Variants in LIPI observed in about 807,000 individuals in gnomAD.
The protein encoded by LIPI is lipase member I.
Under a neutral mutation model 50.6 loss-of-function variants are expected in LIPI, and 59 were observed. The observed-to-expected ratio is 1.16, with a 90% CI of 0.94 to 1.45. LIPI has a LOEUF of 1.45. LIPI is among the 40% of genes most tolerant of loss of function. The probability of loss-of-function intolerance (pLI) is 0.00; values close to 1 mark genes in which losing one functional copy is unlikely to be tolerated. For missense variants in LIPI, 586 were observed against 536.3 expected (o/e 1.09, Z -0.92); for synonymous variants, 203 against 178.2 (o/e 1.14, Z -1.11).
intron 9 of LIPI, among the ~76,000 whole-genome samples, chr21:14,133,077 A>G (rs960176565): frequency 2.0e-5 from 3 of 152,330 alleles, no homozygotes; most frequent in African/African-American, 7.2e-5. Flanking sequence ...TCTACCAAAC[A>G]CACAAGAAAC....
intron 9 of LIPI, among the ~76,000 whole-genome samples, chr21:14,127,903 T>A (rs975954982): frequency 6.6e-6 from 1 of 152,086 alleles, no homozygotes; most frequent in Non-Finnish European, 1.5e-5. Flanking sequence ...TATTAACTAT[T>A]TATGATAAAA....
At chr21:14,191,234 G>A (rs1241572338) in intron 1 of LIPI, among the ~76,000 whole-genome samples, 4 of 151,582 alleles carry the variant, frequency 2.6e-5, no homozygotes, top group African/African-American at 4.8e-5. Flanking sequence ...AAAAATAGCC[G>A]GGCGTAGTGG....
chr21:14,152,302 A>C (rs962195005), intron 8 of LIPI, among the ~76,000 whole-genome samples: 1 of 151,992 alleles, frequency 6.6e-6, no homozygotes, highest in African/African-American at 2.4e-5. Flanking sequence ...GGGTTTCACC[A>C]TGTTAGCCAG....
At chr21:14,203,673 G>A (rs1030411439) in intron 1 of LIPI, among the ~76,000 whole-genome samples, 15 of 151,998 alleles carry the variant, frequency 9.9e-5, no homozygotes, top group African/African-American at 3.4e-4. Flanking sequence ...ATCACACACT[G>A]GGGCCTGTTG....
intron 9 of LIPI, among the ~76,000 whole-genome samples, chr21:14,116,660 G>A (rs772188966): frequency 1.3e-5 from 2 of 152,166 alleles, no homozygotes; most frequent in East Asian, 3.9e-4. Flanking sequence ...TTGGCCAAGT[G>A]TTTTGGGTGG....
intron 7 of LIPI, among the ~76,000 whole-genome samples, chr21:14,161,762 A>T (rs2018492895): frequency 4.5e-5 from 3 of 66,686 alleles, no homozygotes; most frequent in Admixed American, 2.5e-4. Context: ...TAATATATAC[A>T]TTATTATATA....
intron 1 of LIPI, among the ~76,000 whole-genome samples, chr21:14,196,378 G>A (rs1034421402): frequency 1.1e-4 from 17 of 152,170 alleles, no homozygotes; most frequent in East Asian, 5.8e-4. Context: ...TTAATCTAGC[G>A]TCATAAAGAA....
intron 9 of LIPI, among the ~76,000 whole-genome samples, chr21:14,136,962 A>T (rs1433703384): frequency 2.0e-5 from 3 of 152,146 alleles, no homozygotes; most frequent in Non-Finnish European, 4.4e-5. Context: ...GATCTTGTCC[A>T]AGACCATCAA....
At chr21:14,190,176 T>A (rs369840289) in intron 1 of LIPI, among the ~76,000 whole-genome samples, 3 of 152,272 alleles carry the variant, frequency 2.0e-5, no homozygotes, top group East Asian at 3.9e-4. Flanking sequence ...TTGCTCTATA[T>A]ACTTATCTAT....
chr21:14,117,849 G>A (rs190213436), intron 9 of LIPI, among the ~76,000 whole-genome samples: 2 of 152,076 alleles, frequency 1.3e-5, no homozygotes, highest in Admixed American at 6.6e-5. Context: ...AAAAAGCAAA[G>A]TGGGAGGCCA....
chr21:14,206,362 G>T (rs1327881671), intron 1 of LIPI, among the ~76,000 whole-genome samples: 1 of 152,092 alleles, frequency 6.6e-6, no homozygotes, highest in Non-Finnish European at 1.5e-5. Context: ...AACATTCTTT[G>T]ATTTCAAATG....
chr21:14,160,602 CTT>C (rs768994683), intron 7 of LIPI, among the ~76,000 whole-genome samples: 1 of 151,310 alleles, frequency 6.6e-6, no homozygotes, highest in African/African-American at 2.4e-5. Context: ...AGTTCTTAGA[CTT>C]GACACCTAAA....
intron 9 of LIPI, among the ~76,000 whole-genome samples, chr21:14,140,584 A>G (rs2017670096): frequency 6.6e-6 from 1 of 151,588 alleles, no homozygotes; most frequent in Non-Finnish European, 1.5e-5. Flanking sequence ...ATTTGCCTAG[A>G]TTTTCCTCCA....
chr21:14,131,935 T>C (rs1369068363), intron 9 of LIPI, among the ~76,000 whole-genome samples: 1 of 152,108 alleles, frequency 6.6e-6, no homozygotes, highest in Non-Finnish European at 1.5e-5. Context: ...AAAGCTTCAA[T>C]AAGCTTCAAC....
intron 1 of LIPI, among the ~76,000 whole-genome samples, chr21:14,196,016 G>C (rs2019830668): frequency 6.6e-6 from 1 of 151,942 alleles, no homozygotes; most frequent in Admixed American, 6.6e-5. Flanking sequence ...TACAATTATT[G>C]TTAGTTTCTT....
At chr21:14,186,628 T>C (rs971412319) in intron 2 of LIPI, among the ~76,000 whole-genome samples, 1 of 152,222 alleles carries the variant, frequency 6.6e-6, no homozygotes. Context: ...TGAATGTTTG[T>C]GTCTCCCTAA....
chr21:14,137,947 C>T (rs144099270), intron 9 of LIPI, among the ~76,000 whole-genome samples: 2 of 152,122 alleles, frequency 1.3e-5, no homozygotes, highest in Non-Finnish European at 2.9e-5. Flanking sequence ...GAGAGAGTGG[C>T]ATGACATATT....
intron 9 of LIPI, among the ~76,000 whole-genome samples, chr21:14,123,240 A>G (rs2016930981): frequency 6.6e-6 from 1 of 152,260 alleles, no homozygotes; most frequent in Non-Finnish European, 1.5e-5. Flanking sequence ...TGTTTAGATC[A>G]GCAATATTTT....
At chr21:14,200,339 A>G (rs1321252496) in intron 1 of LIPI, among the ~76,000 whole-genome samples, 2 of 152,122 alleles carry the variant, frequency 1.3e-5, no homozygotes, top group South Asian at 2.1e-4. Context: ...ACATGATCCT[A>G]TCTCTAGAAA....
Sources: allele counts gnomAD v4.1 joint callset (sites outside exome capture counted in the v4.1 genomes callset), GRCh38; gene constraint gnomAD v4.1.1; transcripts MANE v1.5; gene names NCBI Gene and HGNC (gene_info 2026-07-23, HGNC 2026-07-21).